TIAM1: variants seen among roughly 807,000 people sequenced by gnomAD.
The protein encoded by TIAM1 is rho guanine nucleotide exchange factor TIAM1.
A neutral mutation model predicts 163.5 loss-of-function variants in TIAM1; 65 were observed. That is an observed-to-expected ratio of 0.40 (90% CI 0.33 to 0.49). The LOEUF (loss-of-function observed/expected upper bound fraction) is 0.49, where lower values mean the gene tolerates loss of function less well. Ranked by LOEUF, TIAM1 falls within the 20% of genes least tolerant of loss-of-function variation. TIAM1 has a pLI of 0.77. For missense variants in TIAM1, 1,789 were observed against 2,044.7 expected (o/e 0.87, Z 2.41); for synonymous variants, 833 against 810.1 (o/e 1.03, Z -0.48).
In TIAM1 at chr21:31,315,648, C is replaced by A. The variant is rs188027665; in HGVS notation, c.-189+23595G>T. ...CCAACATAGCGCCCCTGCACTCCTC[C>A]AGCCTGGGCAACAAGAGCAAAACTC... On this transcript the variant is annotated intron_variant, in intron 2 of 27. Transcript: ENST00000541036. Among the ~76,000 whole-genome samples the A allele has an allele frequency of 2.2e-3, 294 of 132,680 alleles. 5 individuals carry two copies. Among genetic ancestry groups the A allele is most frequent in the East Asian group, 9.7e-3 (44 of 4,516 alleles). 87.0% of individuals were successfully genotyped at this position (132,680 alleles called of 152,430 possible).
intron 1 of TIAM1, among the ~76,000 whole-genome samples, chr21:31,491,136 GAAAGAAC>G (rs1405479349): frequency 2.7e-5 from 4 of 147,990 alleles, no homozygotes; most frequent in Non-Finnish European, 6.0e-5. Context: ...TCGAAAGAAA[GAAAGAAC>G]GAAAGAAAGG....
chr21:31,461,500 A>T (rs924565354), intron 2 of TIAM1, among the ~76,000 whole-genome samples: 3 of 152,268 alleles, frequency 2.0e-5, no homozygotes, highest in Non-Finnish European at 4.4e-5. Context: ...ATAAAAATTT[A>T]AAAAATTTAA....
intron 15 of TIAM1, among the ~76,000 whole-genome samples, chr21:31,171,753 T>C (rs1247310679): frequency 6.6e-6 from 1 of 152,182 alleles, no homozygotes; most frequent in Admixed American, 6.5e-5. Context: ...TGATAATATG[T>C]TAATTGTGAT....
At chr21:31,174,476 T>C (rs1043598486) in intron 15 of TIAM1, among the ~76,000 whole-genome samples, 3 of 152,230 alleles carry the variant, frequency 2.0e-5, no homozygotes, top group Non-Finnish European at 2.9e-5. Flanking sequence ...TCAAAGGATC[T>C]GACTCTGCAA....
intron 15 of TIAM1, among the ~76,000 whole-genome samples, chr21:31,171,172 A>G (rs1430558557): frequency 2.0e-5 from 3 of 152,122 alleles, no homozygotes; most frequent in Non-Finnish European, 4.4e-5. Context: ...TAGATTACCC[A>G]CGTGAAGAAA....
intron 1 of TIAM1, among the ~76,000 whole-genome samples, chr21:31,483,983 C>T (rs2046195326): frequency 6.6e-6 from 1 of 152,164 alleles, no homozygotes; most frequent in South Asian, 2.1e-4. Context: ...AATGTGATGG[C>T]CTTTGAAAGG....
chr21:31,297,329 A>C (rs776146591), intron 2 of TIAM1, among the ~76,000 whole-genome samples: 14 of 152,330 alleles, frequency 9.2e-5, no homozygotes, highest in Non-Finnish European at 1.9e-4. Context: ...GAATGGGTAC[A>C]CAGTTTTGGT....
At chr21:31,551,080 G>A (rs2048668940) in intron 1 of TIAM1, among the ~76,000 whole-genome samples, 1 of 152,080 alleles carries the variant, frequency 6.6e-6, no homozygotes, top group Non-Finnish European at 1.5e-5. Flanking sequence ...CAGGCACAGT[G>A]GCAGGTGCCT....
At chr21:31,314,078 T>G (rs968128843) in intron 2 of TIAM1, among the ~76,000 whole-genome samples, 2 of 152,096 alleles carry the variant, frequency 1.3e-5, no homozygotes, top group African/African-American at 4.8e-5. Flanking sequence ...CGCTATGAAT[T>G]TTACATATAA....
chr21:31,392,958 CTTT>C (rs34474331), intron 2 of TIAM1, among the ~76,000 whole-genome samples: 5 of 139,096 alleles, frequency 3.6e-5, no homozygotes, highest in Non-Finnish European at 4.7e-5. Flanking sequence ...AACCTGTCTT[CTTT>C]TTTTTTTTTT....
At chr21:31,310,773 G>A (rs758546358) in intron 2 of TIAM1, among the ~76,000 whole-genome samples, 12 of 152,140 alleles carry the variant, frequency 7.9e-5, no homozygotes, top group African/African-American at 1.2e-4. Context: ...TCTTGTTAGC[G>A]TAGCCAAAAA....
chr21:31,444,128 A>G (rs1327105515), intron 2 of TIAM1, among the ~76,000 whole-genome samples: 2 of 152,214 alleles, frequency 1.3e-5, no homozygotes, highest in Non-Finnish European at 2.9e-5. Context: ...AGCTCCCAGC[A>G]GCGGGATCTG....
At chr21:31,523,252 C>A (rs1179781763) in intron 1 of TIAM1, among the ~76,000 whole-genome samples, 16 of 152,188 alleles carry the variant, frequency 1.1e-4, no homozygotes, top group Admixed American at 1.0e-3. Context: ...TTACTGGGTG[C>A]AATTTTCACT....
At chr21:31,366,164 C>G (rs561682264) in intron 2 of TIAM1, among the ~76,000 whole-genome samples, 49 of 150,990 alleles carry the variant, frequency 3.2e-4, no homozygotes, top group Non-Finnish European at 6.5e-4. Context: ...TCTGATGTCA[C>G]AGCCATGAAT....
chr21:31,446,307 G>C (rs996147461), intron 2 of TIAM1, among the ~76,000 whole-genome samples: 1 of 152,142 alleles, frequency 6.6e-6, no homozygotes, highest in Admixed American at 6.5e-5. Context: ...ATAGAAGCAA[G>C]CTCTAGTTGC....
At chr21:31,416,250 G>A (rs2833399) in intron 2 of TIAM1, among the ~76,000 whole-genome samples, 15,224 of 152,126 alleles carry the variant, frequency 0.1, 1,000 homozygotes, top group African/African-American at 0.17. Flanking sequence ...GCCACCCGAT[G>A]CCTCCCAACT....
At chr21:31,192,481 G>T (rs540649512) in intron 13 of TIAM1, among the ~76,000 whole-genome samples, 3 of 152,214 alleles carry the variant, frequency 2.0e-5, no homozygotes, top group East Asian at 1.9e-4. Context: ...GCCAGGCATG[G>T]TGGCACACGC....
intron 4 of TIAM1, among the ~76,000 whole-genome samples, chr21:31,260,306 C>T (rs529927283): frequency 1.3e-5 from 2 of 150,348 alleles, no homozygotes; most frequent in African/African-American, 4.9e-5. Flanking sequence ...GGTGCAATCT[C>T]GGCTCACTGC....
intron 2 of TIAM1, among the ~76,000 whole-genome samples, chr21:31,387,659 C>T (rs913325175): frequency 9.5e-5 from 14 of 147,572 alleles, no homozygotes; most frequent in African/African-American, 2.0e-4. Flanking sequence ...CTTCTCTCTA[C>T]GGCTGCGGAC....
Sources: allele counts gnomAD v4.1 joint callset (sites outside exome capture counted in the v4.1 genomes callset), GRCh38; gene constraint gnomAD v4.1.1; transcripts MANE v1.5; gene names NCBI Gene and HGNC (gene_info 2026-07-23, HGNC 2026-07-21).